CSGALNACT1: variants seen among roughly 807,000 people sequenced by gnomAD.
CSGALNACT1 encodes the protein chondroitin sulfate N-acetylgalactosaminyltransferase 1, also known as beta4GalNAcT-1.
Under a neutral mutation model 51.0 loss-of-function variants are expected in CSGALNACT1, and 52 were observed. That is an observed-to-expected ratio of 1.02 (90% confidence interval 0.82 to 1.29). The LOEUF (loss-of-function observed/expected upper bound fraction) is 1.29. CSGALNACT1 is among the 50% of genes most tolerant of loss of function. The probability of loss-of-function intolerance (pLI) is 0.00; values close to 1 mark genes in which losing one functional copy is unlikely to be tolerated. For synonymous variants in CSGALNACT1, 341 were observed against 254.4 expected (o/e 1.34, Z -3.24); for missense variants, 935 against 679.2 (o/e 1.38, Z -4.19).
At chr8:19,667,036 G>GA (rs1564386834) in intron 1 of CSGALNACT1, among the ~76,000 whole-genome samples, 16 of 28,482 alleles carry the variant, frequency 5.6e-4, no homozygotes, top group African/African-American at 2.1e-3. Context: ...AGGAAGGAAG[G>GA]AAGGAAGAAA....
intron 1 of CSGALNACT1, among the ~76,000 whole-genome samples, chr8:19,733,041 T>C (rs1350586558): frequency 6.6e-6 from 1 of 152,230 alleles, no homozygotes; most frequent in African/African-American, 2.4e-5. Context: ...TTTACCCTGT[T>C]ATATTAGAAA....
intron 4 of CSGALNACT1, among the ~76,000 whole-genome samples, chr8:19,462,057 G>C (rs1445228797): frequency 6.6e-6 from 1 of 152,114 alleles, no homozygotes; most frequent in African/African-American, 2.4e-5. Context: ...TATCTGCACA[G>C]CGGCCACATT....
chr8:19,571,149 T>C (rs1012032051), intron 3 of CSGALNACT1, among the ~76,000 whole-genome samples: 1 of 152,084 alleles, frequency 6.6e-6, no homozygotes, highest in East Asian at 1.9e-4. Flanking sequence ...TTTGTATTTT[T>C]TGTAAAGATG....
intron 2 of CSGALNACT1, among the ~76,000 whole-genome samples, chr8:19,597,357 G>T (rs552026080): frequency 8.4e-6 from 1 of 118,508 alleles, no homozygotes; most frequent in African/African-American, 3.2e-5. Flanking sequence ...GTGCAGTGAT[G>T]TGATCATAGC....
intron 1 of CSGALNACT1, among the ~76,000 whole-genome samples, chr8:19,736,895 G>C (rs1370472424): frequency 1.3e-5 from 2 of 150,550 alleles, no homozygotes; most frequent in African/African-American, 4.9e-5. Flanking sequence ...AATTATCCTT[G>C]AGTTCAGGAA....
intron 4 of CSGALNACT1, among the ~76,000 whole-genome samples, chr8:19,466,890 A>G (rs12550830): frequency 0.031 from 4,752 of 152,234 alleles, 278 homozygotes; most frequent in African/African-American, 0.11. Flanking sequence ...TGCCACTGAA[A>G]GTTTCTTTTA....
intron 1 of CSGALNACT1, among the ~76,000 whole-genome samples, chr8:19,723,362 T>C (rs1413783508): frequency 1.3e-5 from 2 of 152,256 alleles, no homozygotes; most frequent in Admixed American, 6.5e-5. Context: ...GAGGTGCGGA[T>C]TCTTAGAAAG....
At chr8:19,603,119 A>T (rs112409258), upstream of CSGALNACT1, among the ~76,000 whole-genome samples, 1 of 107,664 alleles carries the variant, frequency 9.3e-6, no homozygotes, top group Non-Finnish European at 1.8e-5. Context: ...GCAGGAATTA[A>T]AAAAAAAAAA....
intron 4 of CSGALNACT1, among the ~76,000 whole-genome samples, chr8:19,463,347 C>T (rs1001378680): frequency 6.6e-6 from 1 of 152,194 alleles, no homozygotes; most frequent in Non-Finnish European, 1.5e-5. Flanking sequence ...CCCAGCCATC[C>T]ACCCACCATA....
intron 3 of CSGALNACT1, chr8:19,588,054 G>C (rs2047027076): frequency 6.6e-6 from 1 of 152,102 alleles, no homozygotes; most frequent in South Asian, 2.1e-4. Flanking sequence ...AGCTGGGCAA[G>C]GTGATGCATG....
At chr8:19,683,529 T>C (rs928179091), upstream of CSGALNACT1, among the ~76,000 whole-genome samples, 2 of 152,184 alleles carry the variant, frequency 1.3e-5, no homozygotes, top group African/African-American at 2.4e-5. Flanking sequence ...AAGAGGGCTA[T>C]ACAGTCCCTT....
At chr8:19,442,479 C>G (rs1048816959) in intron 5 of CSGALNACT1, among the ~76,000 whole-genome samples, 1 of 150,338 alleles carries the variant, frequency 6.7e-6, no homozygotes, top group Non-Finnish European at 1.5e-5. Flanking sequence ...GACAAAAAAC[C>G]AAACACTGCA....
At chr8:19,719,254 C>G (rs1178673210) in intron 1 of CSGALNACT1, among the ~76,000 whole-genome samples, 1 of 152,174 alleles carries the variant, frequency 6.6e-6, no homozygotes, top group African/African-American at 2.4e-5. Context: ...ACATTGCATG[C>G]ATTTTTTTGG....
chr8:19,629,524 T>A (rs1000087320), intron 1 of CSGALNACT1, among the ~76,000 whole-genome samples: 1 of 152,238 alleles, frequency 6.6e-6, no homozygotes, highest in Non-Finnish European at 1.5e-5. Context: ...GTATTGGAGA[T>A]GTGAAATGCA....
intron 4 of CSGALNACT1, among the ~76,000 whole-genome samples, chr8:19,487,459 C>G (rs1295670822): frequency 6.6e-6 from 1 of 152,160 alleles, no homozygotes; most frequent in Admixed American, 6.5e-5. Flanking sequence ...GTGGAGCCCA[C>G]ACCTACTGCA....
intron 4 of CSGALNACT1, among the ~76,000 whole-genome samples, chr8:19,461,293 C>T (rs934394642): frequency 6.6e-6 from 1 of 152,242 alleles, no homozygotes; most frequent in African/African-American, 2.4e-5. Context: ...GTAGTGCTCA[C>T]TGAGGCAACA....
At chr8:19,536,808 T>C (rs144492877) in intron 3 of CSGALNACT1, among the ~76,000 whole-genome samples, 1 of 152,146 alleles carries the variant, frequency 6.6e-6, no homozygotes, top group East Asian at 1.9e-4. Flanking sequence ...GGCAGAGAGA[T>C]AGATATACAG....
intron 4 of CSGALNACT1, among the ~76,000 whole-genome samples, chr8:19,462,315 C>T (rs1002383166): frequency 2.6e-5 from 4 of 151,520 alleles, no homozygotes; most frequent in African/African-American, 9.7e-5. Context: ...GTTTAACGTA[C>T]AGATAAAAAT....
At chr8:19,436,852 A>G (rs59016926) in intron 6 of CSGALNACT1, among the ~76,000 whole-genome samples, 2,249 of 152,340 alleles carry the variant, frequency 0.015, 49 homozygotes, top group African/African-American at 0.052. Flanking sequence ...TGGAGGGTGC[A>G]GTGAGGTATG....
Sources: gnomAD v4.1 joint callset for allele counts (sites outside exome capture counted in the v4.1 genomes callset) on GRCh38, gnomAD v4.1.1 for gene constraint, MANE v1.5 for transcripts, NCBI Gene and HGNC (gene_info 2026-07-23, HGNC 2026-07-21) for gene names.